SLC17A6: variants seen among roughly 807,000 people sequenced by gnomAD.
SLC17A6 encodes solute carrier family 17 member 6.
SLC17A6 carries 35 observed loss-of-function variants against 67.1 expected under a neutral mutation model. The ratio of observed to expected loss-of-function variants is 0.52; its 90% CI spans 0.40 to 0.69. The LOEUF is 0.69. Among genes scored for constraint, SLC17A6 ranks in the 30% least tolerant of loss-of-function variants. SLC17A6 has a pLI of 0.00. For missense variants in SLC17A6, 588 were observed against 723.9 expected (o/e 0.81, Z 2.15); for synonymous variants, 285 against 252.3 (o/e 1.13, Z -1.23).
At chr11:22,349,060 G>GCACA (rs147808108) in intron 3 of SLC17A6, among the ~76,000 whole-genome samples, 33 of 150,496 alleles carry the variant, frequency 2.2e-4, no homozygotes, top group Non-Finnish European at 3.6e-4. Context: ...ACACACACAT[G>GCACA]CACACACACA....
chr11:22,343,750 C>A (rs984554265), intron 3 of SLC17A6, among the ~76,000 whole-genome samples: 5 of 152,280 alleles, frequency 3.3e-5, no homozygotes, highest in Non-Finnish European at 7.4e-5. Flanking sequence ...CTCCTGCACT[C>A]CCCGCAGGCT....
intron 9 of SLC17A6, 60 bp downstream of exon 9, chr11:22,374,947 G>GTTCAATC: frequency 6.9e-7 from 1 of 1,457,238 alleles, no homozygotes; most frequent in Middle Eastern, 1.8e-4. Flanking sequence ...ACCTACATGA[G>GTTCAATC]AGAATAACTT....
At chr11:22,358,546 G>A (rs1054807146) in intron 3 of SLC17A6, among the ~76,000 whole-genome samples, 1 of 152,146 alleles carries the variant, frequency 6.6e-6, no homozygotes, top group Non-Finnish European at 1.5e-5. Flanking sequence ...TGGCCAGACT[G>A]GTTTTGAGAT....
intron 3 of SLC17A6, among the ~76,000 whole-genome samples, chr11:22,344,216 G>T (rs1456778736): frequency 2.8e-4 from 43 of 152,152 alleles, no homozygotes; most frequent in Admixed American, 2.8e-3. Context: ...TGGTCTTTCT[G>T]CTTAGATACC....
At chr11:22,343,138 C>A in intron 2 of SLC17A6, 109 bp from the exon 3 acceptor site, 3 of 875,104 alleles carry the variant, frequency 3.4e-6, no homozygotes, top group Non-Finnish European at 5.6e-6. Context: ...CCCCAGAATG[C>A]ATGAAGCGCC....
In SLC17A6 at chr11:22,338,543, G is replaced by T. The variant is rs531041823; in HGVS notation, c.10G>T (p.Val4Leu). Reference protein sequence around the residue: MESVKQRILAPGKE... With the variant: MESLKQRILAPGKE... ...AACAGTCTTTGCAAGAATGGAATCC[G>T]TAAAACAAAGGATTTTGGCCCCAGG... The change falls in exon 1 of 12, where the codon GTA (valine) becomes TTA (leucine). Residue 4 changes from valine (V) to leucine (L), a missense_variant. By Grantham distance (32) the Val-to-Leu change is conservative. Transcript: ENST00000263160. 1.2e-6 allele frequency: 2 copies of T among 1,612,528 alleles called. No homozygotes were observed. The highest frequency in any genetic ancestry group is 2.2e-5 in the East Asian group (1 of 44,856).
At chr11:22,360,526 T>A (rs1178969541) in intron 4 of SLC17A6, among the ~76,000 whole-genome samples, 3 of 115,546 alleles carry the variant, frequency 2.6e-5, no homozygotes, top group Non-Finnish European at 3.7e-5. Flanking sequence ...CCGCTCTCCT[T>A]CCCCCCCCCC....
chr11:22,361,891 T>C (rs76424299), intron 5 of SLC17A6, among the ~76,000 whole-genome samples: 1,844 of 152,286 alleles, frequency 0.012, 13 homozygotes, highest in Non-Finnish European at 0.02. Context: ...AATAGGAAAT[T>C]AAGGCTGCTG....
Position 22,340,544 on chromosome 11 carries a change from T to A in SLC17A6, c.87-984T>A, listed in dbSNP as rs138643080. 4.0e-3 allele frequency among the ~76,000 whole-genome samples: 607 copies of A among 152,326 alleles called. 3 individuals carry two copies. Among genetic ancestry groups the A allele is most frequent in the African/African-American group, 0.014 (582 of 41,580 alleles). ...ATTTAAGTGAGATCTTCCCCTTTGATGTGGAATATCTTACAAAAGTTGATT... is the reference window on the plus strand; with the variant it reads ...ATTTAAGTGAGATCTTCCCCTTTGAAGTGGAATATCTTACAAAAGTTGATT... On this transcript the variant is annotated intron_variant, in intron 1 of 11. Coordinates refer to ENST00000263160, the MANE Select transcript of SLC17A6 (RefSeq NM_020346.3).
chr11:22,348,693 T>G (rs965698734), intron 3 of SLC17A6, among the ~76,000 whole-genome samples: 1 of 152,220 alleles, frequency 6.6e-6, no homozygotes, highest in Non-Finnish European at 1.5e-5. Context: ...ATTTACATGC[T>G]GTATAAAATA....
At chr11:22,359,992 T>A (rs1450608212) in intron 4 of SLC17A6, among the ~76,000 whole-genome samples, 1 of 152,126 alleles carries the variant, frequency 6.6e-6, no homozygotes, top group African/African-American at 2.4e-5. Flanking sequence ...TCTTGCTCCA[T>A]CAGCCTGCAG....
At chr11:22,341,842 TCTC>T in intron 2 of SLC17A6, 62 bp downstream of exon 2, 2 of 1,576,592 alleles carry the variant, frequency 1.3e-6, no homozygotes, top group Non-Finnish European at 1.7e-6. Flanking sequence ...CAAAACCACA[TCTC>T]CTGTTTGAGC....
At chr11:22,340,693 T>C (rs534377974) in intron 1 of SLC17A6, among the ~76,000 whole-genome samples, 1 of 152,300 alleles carries the variant, frequency 6.6e-6, no homozygotes, top group African/African-American at 2.4e-5. Flanking sequence ...ATTATTCATG[T>C]TCTGGCAGTA....
In SLC17A6 at chr11:22,343,163, T is replaced by C. The variant is rs111239581; in HGVS notation, c.340-84T>C. 2.7e-4 allele frequency: 308 copies of C among 1,148,610 alleles called. 1 individual carries two copies. The African/African-American group carries it at 3.9e-3, about 15-fold the overall frequency. 71.2% of individuals were successfully genotyped at this position (1,148,610 alleles called of 1,614,324 possible). A position where few individuals can be genotyped will look rare whatever the true frequency, so the allele number is the denominator to read the frequency against. Reference sequence around the variant, plus strand: ...CATGAAGCGCCCAAGCCTTGGGGGCTTTTTGGCTTGTGAACCACTGAAAGT... The same window carrying C: ...CATGAAGCGCCCAAGCCTTGGGGGCCTTTTGGCTTGTGAACCACTGAAAGT... On this transcript the variant is annotated intron_variant, in intron 2 of 11. Coordinates refer to ENST00000263160, the MANE Select transcript of SLC17A6 (RefSeq NM_020346.3).
rs1466486862 is a variant in SLC17A6, at chr11:22,339,108, ATATATATGT to A, written c.86+497_86+505del. 4.4e-4 allele frequency among the ~76,000 whole-genome samples: 54 copies of A among 121,746 alleles called. 1 individual carries two copies. Among genetic ancestry groups the A allele is most frequent in the Middle Eastern group, 4.1e-3 (1 of 242 alleles). The allele number at this position is 121,746 out of a possible 152,430, so 79.9% of individuals were successfully genotyped here. A position where few individuals can be genotyped will look rare whatever the true frequency, so the allele number is the denominator to read the frequency against. On this transcript the variant is annotated intron_variant, in intron 1 of 11. Transcript: ENST00000263160. ...TATATATGTTATATATATATGTTAT[ATATATATGT>A]TATATATATATGTTATATATATATG...
chr11:22,370,053 A>G lies in SLC17A6; in HGVS notation c.906A>G (p.Pro302=), dbSNP rs908558318. ...TGGAATTTCAGAAATTCAAGACTCC[A>G]TGGAGGAAGTTTTTTACATCCATGC... ...LLGAMEKFKT[P]WRKFFTSMPV... Residue 302 remains proline, a synonymous_variant, in exon 8 of 12, where the codon CCA becomes CCG. Transcript: ENST00000263160. 5 of 1,608,026 alleles carry G rather than the reference A, an allele frequency of 3.1e-6. No individual in the cohort carries two copies. The African/African-American group carries it at 5.4e-5, about 17-fold the overall frequency.
At chr11:22,363,774 T>A (rs1396211132) in intron 6 of SLC17A6, among the ~76,000 whole-genome samples, 1 of 152,046 alleles carries the variant, frequency 6.6e-6, no homozygotes, top group African/African-American at 2.4e-5. Context: ...TAGGTATTCG[T>A]GAACATTTTT....
At chr11:22,352,191 T>C (rs1855948194) in intron 3 of SLC17A6, among the ~76,000 whole-genome samples, 1 of 152,200 alleles carries the variant, frequency 6.6e-6, no homozygotes, top group Non-Finnish European at 1.5e-5. Context: ...GGCAATGTGA[T>C]GGCTGCTAGT....
chr11:22,342,445 G>A (rs954231882), intron 2 of SLC17A6, among the ~76,000 whole-genome samples: 1 of 152,150 alleles, frequency 6.6e-6, no homozygotes, highest in African/African-American at 2.4e-5. Flanking sequence ...GAATCCGGGA[G>A]ACCTTGCAAG....
Sources: allele counts gnomAD v4.1 joint callset (sites outside exome capture counted in the v4.1 genomes callset), GRCh38; gene constraint gnomAD v4.1.1; transcripts MANE v1.5; gene names NCBI Gene and HGNC (gene_info 2026-07-23, HGNC 2026-07-21).